Variants in ABTB3 observed in about 807,000 individuals in gnomAD.
The protein encoded by ABTB3 is ankyrin repeat- and BTB/POZ domain-containing protein 3.
the ABTB3 span, among the ~76,000 whole-genome samples, chr12:107,340,932 T>A: frequency 6.6e-6 from 1 of 152,110 alleles, no homozygotes; most frequent in African/African-American, 2.4e-5. Flanking sequence ...AGGCTGGTGC[T>A]GGAGAGACAA....
the ABTB3 span, among the ~76,000 whole-genome samples, chr12:107,381,272 G>C: frequency 2.0e-5 from 3 of 152,204 alleles, no homozygotes; most frequent in Admixed American, 1.3e-4. Flanking sequence ...GGGCACTCAG[G>C]GGCATGTGCT....
At chr12:107,400,950 C>T in the ABTB3 span, among the ~76,000 whole-genome samples, 652 of 152,252 alleles carry the variant, frequency 4.3e-3, 5 homozygotes, top group Middle Eastern at 0.017. Flanking sequence ...CTGAGTTTGT[C>T]GAGGAGCGAT....
the ABTB3 span, among the ~76,000 whole-genome samples, chr12:107,634,482 A>G: frequency 6.6e-6 from 1 of 152,058 alleles, no homozygotes. Flanking sequence ...TTTCTTCCTT[A>G]ATCTATTGTA....
the ABTB3 span, among the ~76,000 whole-genome samples, chr12:107,486,963 T>C: frequency 1.3e-5 from 2 of 152,138 alleles, no homozygotes; most frequent in African/African-American, 4.8e-5. Context: ...TGAACCCAGG[T>C]AGTCTGGCAG....
the ABTB3 span, among the ~76,000 whole-genome samples, chr12:107,541,273 G>A: frequency 3.3e-5 from 5 of 152,220 alleles, no homozygotes; most frequent in Admixed American, 2.0e-4. Flanking sequence ...AATGTGTCAC[G>A]TTGAAAGGTA....
the ABTB3 span, chr12:107,581,024 A>G: frequency 1.9e-6 from 3 of 1,551,908 alleles, no homozygotes; most frequent in Non-Finnish European, 1.7e-6. Flanking sequence ...TCTCCAGGGA[A>G]AGCGGGGTGT....
the ABTB3 span, among the ~76,000 whole-genome samples, chr12:107,615,349 C>T: frequency 6.6e-6 from 1 of 152,150 alleles, no homozygotes; most frequent in Admixed American, 6.5e-5. Flanking sequence ...CAGGCTTTAA[C>T]CAATATGAAA....
At chr12:107,408,139 G>A in the ABTB3 span, among the ~76,000 whole-genome samples, 15 of 152,198 alleles carry the variant, frequency 9.9e-5, no homozygotes, top group East Asian at 7.7e-4. Context: ...AAATGTGTGC[G>A]GCTTTGTGAG....
At chr12:107,524,268 C>T in the ABTB3 span, among the ~76,000 whole-genome samples, 2 of 152,108 alleles carry the variant, frequency 1.3e-5, no homozygotes, top group African/African-American at 4.8e-5. Flanking sequence ...TAAGTCACGT[C>T]GGCTGCTGAA....
At chr12:107,331,353 A>G in the ABTB3 span, among the ~76,000 whole-genome samples, 1 of 152,120 alleles carries the variant, frequency 6.6e-6, no homozygotes, top group East Asian at 1.9e-4. Flanking sequence ...GTTTACTCAC[A>G]GATAGTCACA....
chr12:107,444,716 G>A, the ABTB3 span, among the ~76,000 whole-genome samples: 1 of 152,204 alleles, frequency 6.6e-6, no homozygotes, highest in Non-Finnish European at 1.5e-5. Flanking sequence ...CAAGATGTTT[G>A]GCAAATGAAT....
At chr12:107,630,349 C>T in the ABTB3 span, among the ~76,000 whole-genome samples, 1 of 152,160 alleles carries the variant, frequency 6.6e-6, no homozygotes, top group Non-Finnish European at 1.5e-5. Flanking sequence ...TTCCCTAAAC[C>T]TCTGGCGAAT....
At chr12:107,572,260 T>C in the ABTB3 span, among the ~76,000 whole-genome samples, 18 of 151,680 alleles carry the variant, frequency 1.2e-4, no homozygotes, top group Non-Finnish European at 2.2e-4. Flanking sequence ...CACCAAAAGC[T>C]GAGAGGGGCA....
chr12:107,404,162 CAAA>C, the ABTB3 span, among the ~76,000 whole-genome samples: 3 of 40,250 alleles, frequency 7.5e-5, no homozygotes, highest in South Asian at 2.7e-3. Context: ...GACTCTAACT[CAAA>C]AAAAAAAAAA....
At chr12:107,451,212 T>C in the ABTB3 span, among the ~76,000 whole-genome samples, 1 of 152,192 alleles carries the variant, frequency 6.6e-6, no homozygotes, top group African/African-American at 2.4e-5. Flanking sequence ...CTCTCACTCA[T>C]GACTTAATCT....
chr12:107,360,640 CA>C, the ABTB3 span, among the ~76,000 whole-genome samples: 1 of 152,212 alleles, frequency 6.6e-6, no homozygotes, highest in Non-Finnish European at 1.5e-5. Context: ...GGAAGATGCA[CA>C]GTCCTATTTA....
At chr12:107,350,010 A>G in the ABTB3 span, among the ~76,000 whole-genome samples, 1 of 152,218 alleles carries the variant, frequency 6.6e-6, no homozygotes, top group Non-Finnish European at 1.5e-5. Flanking sequence ...GCGAGAGCAC[A>G]AAATGCTAGC....
the ABTB3 span, among the ~76,000 whole-genome samples, chr12:107,510,918 T>C: frequency 1.1e-4 from 16 of 150,534 alleles, no homozygotes; most frequent in Admixed American, 1.3e-4. Flanking sequence ...CCAAATACTG[T>C]CTCCAAAAAA....
chr12:107,510,757 C>CA, the ABTB3 span, among the ~76,000 whole-genome samples: 17 of 151,714 alleles, frequency 1.1e-4, no homozygotes, highest in African/African-American at 3.9e-4. Flanking sequence ...CCCCTCTCTA[C>CA]AAAAAAATAC....
Sources: allele counts gnomAD v4.1 joint callset (sites outside exome capture counted in the v4.1 genomes callset), GRCh38; gene constraint gnomAD v4.1.1; transcripts MANE v1.5; gene names NCBI Gene and HGNC (gene_info 2026-07-23, HGNC 2026-07-21).